The following PTPRS variants were observed in gnomAD, a reference collection of about 807,000 sequenced individuals.
PTPRS encodes the protein receptor-type tyrosine-protein phosphatase S.
In PTPRS, 63 loss-of-function variants were observed where a neutral mutation model predicts 215.3. That is an observed-to-expected ratio of 0.29 (90% CI 0.24 to 0.36). The LOEUF (loss-of-function observed/expected upper bound fraction) is 0.36. Ranked by LOEUF, PTPRS falls within the 10% of genes least tolerant of loss-of-function variation. The pLI is 1.00. For missense variants in PTPRS, 2,258 were observed against 2,825.8 expected, an observed-to-expected ratio of 0.80 and a Z score of 4.56; for synonymous variants, 1,404 against 1,191.4, an observed-to-expected ratio of 1.18 and a Z score of -3.68.
At chr19:5,252,559 A>C (rs965118121) in intron 9 of PTPRS, among the ~76,000 whole-genome samples, 1 of 132,824 alleles carries the variant, frequency 7.5e-6, no homozygotes, top group Non-Finnish European at 1.6e-5. Flanking sequence ...CCTGGGCAAC[A>C]CAGTGAGATT....
chr19:5,308,559 A>G (rs528418814), intron 1 of PTPRS, among the ~76,000 whole-genome samples: 2 of 152,204 alleles, frequency 1.3e-5, no homozygotes, highest in Non-Finnish European at 2.9e-5. Context: ...TCGAGTGCCA[A>G]GCCAAGCTTC....
Position 5,223,266 on chromosome 19 carries a change from C to A in PTPRS, c.2526G>T (p.Gln842His). Residue 842 changes from glutamine (Q) to histidine (H), a missense_variant, in exon 18 of 38, where the codon CAG (glutamine) becomes CAT (histidine). Coordinates refer to ENST00000262963, the MANE Select transcript of PTPRS (RefSeq NM_002850.4). ...GTGCCAGCAGGCTGCCCTCGGGGGT[C>A]TGCTGCACCGACAGGGTTGGGCGGC... Reference protein sequence around the residue: ...VLGRPTLSVQQTPEGSLLARW... With the variant: ...VLGRPTLSVQHTPEGSLLARW... 1 of 1,471,282 alleles carries A rather than the reference C, an allele frequency of 6.8e-7. No homozygotes were observed. The highest frequency in any genetic ancestry group is 2.5e-5 in the East Asian group (1 of 39,976). The allele number at this position is 1,471,282 out of a possible 1,614,324, so 91.1% of individuals were successfully genotyped here.
rs2046321007 is a variant in PTPRS at position 5,265,311 on chromosome 19, A to AC, written c.380-116dup. On this transcript the variant is annotated intron_variant, in intron 4 of 37. Coordinates refer to ENST00000262963, the MANE Select transcript of PTPRS (RefSeq NM_002850.4). The stretch of plus-strand genomic sequence containing the variant: ...GGTCCAGCTCCTCCCTGGCTGCGTG[A>AC]CCTCAGCCATGGGTGCCATCCTTTA... The AC allele has an allele frequency of 3.2e-6, 3 of 943,848 alleles. No homozygotes were observed. In the South Asian group the frequency reaches 5.0e-5, roughly 16 times the overall value. 58.5% of individuals were successfully genotyped at this position (943,848 alleles called of 1,614,324 possible).
At chr19:5,310,846 T>C (rs1037260904) in intron 1 of PTPRS, among the ~76,000 whole-genome samples, 7 of 152,206 alleles carry the variant, frequency 4.6e-5, no homozygotes, top group East Asian at 1.9e-4. Flanking sequence ...GCTGGGACTA[T>C]AGGCTTGTAC....
At chr19:5,272,215 T>G (rs1172289862) in intron 4 of PTPRS, among the ~76,000 whole-genome samples, 1 of 152,146 alleles carries the variant, frequency 6.6e-6, no homozygotes, top group Non-Finnish European at 1.5e-5. Flanking sequence ...GAAATGATGC[T>G]GAACAAAAAT....
chr19:5,258,392 C>A (rs535225544), intron 7 of PTPRS, among the ~76,000 whole-genome samples: 8 of 152,358 alleles, frequency 5.3e-5, no homozygotes, highest in Non-Finnish European at 8.8e-5. Flanking sequence ...GGTCATGAGA[C>A]TGCTGCCTCA....
chr19:5,244,032 A>C lies in PTPRS; in HGVS notation c.1439T>G (p.Val480Gly). 6.2e-7 allele frequency: 1 copy of C among 1,609,470 alleles called. No individual in the cohort carries two copies. The highest frequency in any genetic ancestry group is 1.1e-5 in the South Asian group (1 of 91,076). ...CACGGTGGTCAGCAGGCTGTCGTCC[A>C]CGTTGTGCTTCTGCCAGTTGCCCAC... ...HPVGNWQKHNVDDSLLTTVGS... is the reference protein window; with the variant it reads ...HPVGNWQKHNGDDSLLTTVGS... The change falls in exon 11 of 38, where the codon GTG (valine) becomes GGG (glycine). Residue 480 changes from valine to glycine, a missense_variant. Around this residue, in one of 6 missense-constraint regions of PTPRS, gnomAD observed 508 missense variants for 799.4 expected, o/e 0.64. Transcript: ENST00000262963. This position sits in a 1 kb window ranked among gnomAD's most constrained non-coding sequence, Gnocchi z 7.2.
At chr19:5,256,470 G>A (rs2045562487) in intron 8 of PTPRS, among the ~76,000 whole-genome samples, 1 of 151,980 alleles carries the variant, frequency 6.6e-6, no homozygotes, top group Non-Finnish European at 1.5e-5. Flanking sequence ...CTCATGCTGG[G>A]GACCCCACCT....
intron 26 of PTPRS, among the ~76,000 whole-genome samples, 153 bp from the exon 27 acceptor site, chr19:5,215,748 A>AGGGTGGCTCATGAAG (rs2041377942): frequency 6.6e-6 from 1 of 152,116 alleles, no homozygotes; most frequent in African/African-American, 2.4e-5. Context: ...GGGAAGACTC[A>AGGGTGGCTCATGAAG]GGGTGGCTCA....
At chr19:5,270,832 T>A (rs960927252) in intron 4 of PTPRS, among the ~76,000 whole-genome samples, 1 of 151,936 alleles carries the variant, frequency 6.6e-6, no homozygotes, top group South Asian at 2.1e-4. Flanking sequence ...TTTAGTAGAT[T>A]TGGGGTTTCA....
Position 5,206,732 on chromosome 19 carries a change from C to T in PTPRS, c.*42G>A, listed in dbSNP as rs1277607517. The T allele has an allele frequency of 1.3e-6, 2 of 1,584,734 alleles. No individual in the cohort carries two copies. Among genetic ancestry groups the T allele is most frequent in the South Asian group, 2.2e-5 (2 of 90,326 alleles). ...GAGGTCCGCCCGGGAGGGGCAGAGG[C>T]ATCCGGGGCCAGTGGTGTCGGGCCT... On this transcript the variant is annotated 3_prime_UTR_variant, in exon 38 of 38. Coordinates refer to ENST00000262963, the MANE Select transcript of PTPRS (RefSeq NM_002850.4).
intron 2 of PTPRS, among the ~76,000 whole-genome samples, chr19:5,278,529 G>A (rs1269347798): frequency 6.6e-6 from 1 of 152,096 alleles, no homozygotes; most frequent in African/African-American, 2.4e-5. Flanking sequence ...CCAGGCTCAA[G>A]TGCAGGGCGC....
rs200844620 is a variant in PTPRS, at chr19:5,222,858, G to C, written c.2934C>G (p.Ala978=). ...AVREAGALGP[A]RETELPAAAE... is the part of the protein sequence containing the mutation. ...CCGCTGCCGGCAGCTCAGTCTCTCG[G>C]GCAGGGCCCAGGGCACCGGCCTCCC... The change falls in exon 18 of 38, where the codon GCC becomes GCG. Residue 978 remains alanine (A), a synonymous_variant. Coordinates refer to ENST00000262963, the MANE Select transcript of PTPRS (RefSeq NM_002850.4). 2.4e-4 allele frequency: 383 copies of C among 1,591,000 alleles called. No individual in the cohort carries two copies. Among genetic ancestry groups the C allele is most frequent in the Middle Eastern group, 3.3e-4 (2 of 6,020 alleles).
chr19:5,243,876 G>A (rs765253619), intron 11 of PTPRS, 25 bp downstream of exon 11: 175 of 1,453,282 alleles, frequency 1.2e-4, no homozygotes, highest in Non-Finnish European at 1.4e-4. Flanking sequence ...CCGGGGCCCC[G>A]AGTCCTGCCG....
Position 5,257,927 on chromosome 19 carries a change from A to G in PTPRS, c.706+90T>C. The G allele has an allele frequency of 3.5e-6, 4 of 1,133,672 alleles. No homozygotes were observed. The highest frequency in any genetic ancestry group is 1.5e-5 in the African/African-American group (1 of 65,230). 70.2% of individuals were successfully genotyped at this position (1,133,672 alleles called of 1,614,324 possible). A position where few individuals can be genotyped will look rare whatever the true frequency, so the allele number is the denominator to read the frequency against. ...GCCTTCCTGCTTGGGTGTGCAGGGGACGGGGGAGCCCGGAGGCGGTGAGCC... is the reference window on the plus strand; with the variant it reads ...GCCTTCCTGCTTGGGTGTGCAGGGGGCGGGGGAGCCCGGAGGCGGTGAGCC... On this transcript the variant is annotated intron_variant, in intron 8 of 37. Transcript: ENST00000262963. This position sits in a 1 kb window ranked among gnomAD's most constrained non-coding sequence, Gnocchi z 4.4.
At chr19:5,230,045 A>G (rs866699894) in intron 14 of PTPRS, among the ~76,000 whole-genome samples, 1 of 152,052 alleles carries the variant, frequency 6.6e-6, no homozygotes, top group East Asian at 1.9e-4. Flanking sequence ...ATTGAATCCT[A>G]GAGAGTTGAT....
intron 37 of PTPRS, 136 bp downstream of exon 37, chr19:5,207,786 G>A (rs1265810722): frequency 2.3e-6 from 3 of 1,282,660 alleles, no homozygotes; most frequent in South Asian, 2.8e-5. Context: ...AGTGCGGGAG[G>A]GGTCTGTGGA....
At position 5,215,645 on chromosome 19, in the gene PTPRS, CGG is replaced by C. The variant is rs745991454; in HGVS notation, c.4097-52_4097-51del. 13 of 355,876 alleles carry C rather than the reference CGG, an allele frequency of 3.7e-5. No homozygotes were observed. In the African/African-American group the frequency reaches 4.8e-4, roughly 13 times the overall value. The allele number at this position is 355,876 out of a possible 1,614,324, so 22.0% of individuals were successfully genotyped here. On this transcript the variant is annotated intron_variant, in intron 26 of 37. Transcript: ENST00000262963. ...GGGGTTGGTCACTTGGGGGGCCAGC[CGG>C]GGACTCGGGGGAGGGGGGTGATCTA... is the stretch of plus-strand genomic sequence containing the variant.
chr19:5,250,820 G>A (rs920632131), intron 9 of PTPRS, among the ~76,000 whole-genome samples: 23 of 151,886 alleles, frequency 1.5e-4, no homozygotes, highest in Admixed American at 7.9e-4. Flanking sequence ...GAGTGGGGGC[G>A]AGGGTAAAGG....
Sources: gnomAD v4.1 joint callset for allele counts (sites outside exome capture counted in the v4.1 genomes callset) on GRCh38, gnomAD v4.1.1 for gene constraint, gnomAD v4.1.1 regional missense constraint, Gnocchi (gnomAD v3.1) non-coding constraint, MANE v1.5 for transcripts, NCBI Gene and HGNC (gene_info 2026-07-23, HGNC 2026-07-21) for gene names.